GADL1: variants seen among roughly 807,000 people sequenced by gnomAD.
The protein encoded by GADL1 is GAD like acidic amino acid decarboxylase 1, also known as acidic amino acid decarboxylase GADL1.
GADL1 carries 71 observed loss-of-function variants against 69.5 expected under a neutral mutation model. The observed-to-expected ratio is 1.02, with a 90% CI of 0.84 to 1.25. The LOEUF (loss-of-function observed/expected upper bound fraction) is 1.25. GADL1 is among the 50% of genes most tolerant of loss of function. GADL1 has a pLI of 0.00. For synonymous variants in GADL1, 254 were observed against 214.4 expected (o/e 1.18, Z -1.62); for missense variants, 737 against 631.8 (o/e 1.17, Z -1.79).
chr3:30,775,348 C>T (rs1696512076), intron 14 of GADL1, among the ~76,000 whole-genome samples: 1 of 152,176 alleles, frequency 6.6e-6, no homozygotes, highest in African/African-American at 2.4e-5. Context: ...ATTCTCTATC[C>T]AAGATAAACC....
intron 1 of GADL1, among the ~76,000 whole-genome samples, chr3:30,875,213 G>GA (rs796713938): frequency 0.049 from 5,336 of 107,860 alleles, 207 homozygotes; most frequent in East Asian, 0.2. Context: ...AGGATATAGA[G>GA]AAAAAAAAAA....
intron 13 of GADL1, among the ~76,000 whole-genome samples, chr3:30,779,573 C>T (rs2125496647): frequency 6.6e-6 from 1 of 152,240 alleles, no homozygotes; most frequent in East Asian, 1.9e-4. Flanking sequence ...AAAGTAATGG[C>T]AAAAACCACA....
chr3:30,834,897 A>G (rs1261973923), intron 9 of GADL1, among the ~76,000 whole-genome samples: 1 of 152,140 alleles, frequency 6.6e-6, no homozygotes, highest in Non-Finnish European at 1.5e-5. Flanking sequence ...TCCCATAGTC[A>G]ACAGGTCTGG....
At chr3:30,738,021 C>T (rs182171564) in intron 14 of GADL1, among the ~76,000 whole-genome samples, 5 of 152,276 alleles carry the variant, frequency 3.3e-5, no homozygotes, top group East Asian at 3.9e-4. Context: ...TAAAAACAAA[C>T]GAAACTGAAC....
At chr3:30,807,217 T>C (rs1697271395) in intron 11 of GADL1, among the ~76,000 whole-genome samples, 1 of 152,206 alleles carries the variant, frequency 6.6e-6, no homozygotes, top group Admixed American at 6.5e-5. Flanking sequence ...CCCTCCCAGC[T>C]GTCACTGCCT....
chr3:30,814,314 C>T (rs997213022), intron 11 of GADL1, among the ~76,000 whole-genome samples: 1 of 152,156 alleles, frequency 6.6e-6, no homozygotes, highest in South Asian at 2.1e-4. Context: ...TTTCCCAGTT[C>T]AAACTATAGC....
intron 14 of GADL1, among the ~76,000 whole-genome samples, chr3:30,769,755 A>G (rs951858183): frequency 2.6e-5 from 4 of 152,110 alleles, no homozygotes; most frequent in African/African-American, 7.2e-5. Flanking sequence ...AACACCCACT[A>G]CTTGACAGAT....
At chr3:30,810,547 G>A (rs958416318) in intron 11 of GADL1, among the ~76,000 whole-genome samples, 8 of 152,028 alleles carry the variant, frequency 5.3e-5, no homozygotes, top group Non-Finnish European at 1.0e-4. Context: ...TACATTTGAC[G>A]TTTTTGTGGT....
rs1156797321 is a variant in GADL1, at chr3:30,809,467, A to G, written c.1051-8379T>C. Among the ~76,000 whole-genome samples, 3 of 152,162 alleles carry G rather than the reference A, an allele frequency of 2.0e-5. No homozygotes were observed. In the East Asian group the frequency reaches 5.8e-4, roughly 29 times the overall value. Reference sequence around the variant, plus strand: ...ACATTGTGCTCCATTGGATGTTTCAATGTAGGAGGTTCAAATCATGATATA... The same window carrying G: ...ACATTGTGCTCCATTGGATGTTTCAGTGTAGGAGGTTCAAATCATGATATA... On this transcript the variant is annotated intron_variant, in intron 11 of 14. Coordinates refer to ENST00000282538, the MANE Select transcript of GADL1 (RefSeq NM_207359.3).
chr3:30,739,009 C>T (rs925476117), intron 14 of GADL1, among the ~76,000 whole-genome samples: 34 of 152,310 alleles, frequency 2.2e-4, no homozygotes, highest in African/African-American at 6.3e-4. Context: ...TGACAGCCAA[C>T]GAGGCTCTTC....
At chr3:30,857,475 T>TA (rs1559362763) in intron 2 of GADL1, among the ~76,000 whole-genome samples, 1 of 151,930 alleles carries the variant, frequency 6.6e-6, no homozygotes, top group Non-Finnish European at 1.5e-5. Flanking sequence ...TTAAAAAAGA[T>TA]AAAAAATTCG....
chr3:30,851,698 C>T (rs1258349023), intron 4 of GADL1, among the ~76,000 whole-genome samples: 3 of 152,086 alleles, frequency 2.0e-5, no homozygotes, highest in African/African-American at 4.8e-5. Flanking sequence ...AACTCCAGAC[C>T]CCTCTTGAAG....
intron 11 of GADL1, among the ~76,000 whole-genome samples, chr3:30,831,182 A>C (rs1697785495): frequency 1.3e-5 from 2 of 151,964 alleles, no homozygotes; most frequent in African/African-American, 4.8e-5. Context: ...ATCAAGTCTA[A>C]AATCATCACA....
At chr3:30,818,264 G>C (rs1212603094) in intron 11 of GADL1, among the ~76,000 whole-genome samples, 4 of 152,130 alleles carry the variant, frequency 2.6e-5, no homozygotes, top group African/African-American at 4.8e-5. Flanking sequence ...TACTGTGGAG[G>C]TGCCATATTT....
chr3:30,865,373 G>A (rs565147004), intron 1 of GADL1, among the ~76,000 whole-genome samples: 8 of 151,628 alleles, frequency 5.3e-5, no homozygotes, highest in East Asian at 3.9e-4. Context: ...TGTGTCTGTC[G>A]GTTTCACTGT....
At chr3:30,789,300 AAAG>A (rs1479599182) in intron 12 of GADL1, among the ~76,000 whole-genome samples, 1 of 152,208 alleles carries the variant, frequency 6.6e-6, no homozygotes, top group African/African-American at 2.4e-5. Flanking sequence ...AATATTTTGA[AAAG>A]AATCTTTTTT....
intron 1 of GADL1, among the ~76,000 whole-genome samples, chr3:30,888,845 A>T (rs1434960363): frequency 6.6e-6 from 1 of 152,008 alleles, no homozygotes; most frequent in African/African-American, 2.4e-5. Flanking sequence ...AGGGACCCTG[A>T]ATTCCACTTC....
chr3:30,844,245 C>T lies in GADL1; in HGVS notation c.751G>A (p.Glu251Lys). The T allele has an allele frequency of 6.2e-7, 1 of 1,612,452 alleles. No homozygotes were observed. The highest frequency in any genetic ancestry group is 8.5e-7 in the Non-Finnish European group (1 of 1,179,370). The change falls in exon 8 of 15, where the codon GAA (glutamate) becomes AAA (lysine). Residue 251 changes from glutamate (E) to lysine (K), a missense_variant. Coordinates refer to ENST00000282538, the MANE Select transcript of GADL1 (RefSeq NM_207359.3). ...GCTTGCCAGACTTGCTTCTCCAGTT[C>T]CTCAGGTATCATTTTACCTCTAAGG... The part of the protein sequence containing the change: ...TDGRGKMIPE[E>K]LEKQVWQARK...
chr3:30,819,699 A>C (rs1195938280), intron 11 of GADL1, among the ~76,000 whole-genome samples: 1 of 152,142 alleles, frequency 6.6e-6, no homozygotes, highest in Non-Finnish European at 1.5e-5. Context: ...AATAAATGCA[A>C]AAAGTGATTC....
Sources: allele counts gnomAD v4.1 joint callset (sites outside exome capture counted in the v4.1 genomes callset), GRCh38; gene constraint gnomAD v4.1.1; transcripts MANE v1.5; gene names NCBI Gene and HGNC (gene_info 2026-07-23, HGNC 2026-07-21).